The following DNM3 variants were observed in gnomAD, a reference collection of about 807,000 sequenced individuals.
The protein encoded by DNM3 is dynamin 3, also known as dynamin-3.
Under a neutral mutation model 101.6 loss-of-function variants are expected in DNM3, and 47 were observed. The observed-to-expected ratio is 0.46, with a 90% CI of 0.37 to 0.59. The LOEUF (loss-of-function observed/expected upper bound fraction) is 0.59, where lower values mean the gene tolerates loss of function less well. Among genes scored for constraint, DNM3 ranks in the 20% least tolerant of loss-of-function variants. DNM3 has a pLI of 0.00. For missense variants in DNM3, 849 were observed against 1,085.7 expected (o/e 0.78, Z 3.06); for synonymous variants, 385 against 387.9 (o/e 0.99, Z 0.09).
At chr1:172,061,984 G>A (rs895261896) in intron 10 of DNM3, among the ~76,000 whole-genome samples, 7 of 152,126 alleles carry the variant, frequency 4.6e-5, no homozygotes, top group African/African-American at 1.7e-4. Flanking sequence ...CCCAGGCTTC[G>A]AATCAGACTG....
At chr1:172,069,407 A>G (rs1403866791) in intron 11 of DNM3, among the ~76,000 whole-genome samples, 1 of 152,134 alleles carries the variant, frequency 6.6e-6, no homozygotes, top group Non-Finnish European at 1.5e-5. Flanking sequence ...CTATGATTGA[A>G]AAAAAAATTG....
At chr1:172,250,721 G>A (rs1247407945) in intron 14 of DNM3, among the ~76,000 whole-genome samples, 1 of 152,110 alleles carries the variant, frequency 6.6e-6, no homozygotes, top group African/African-American at 2.4e-5. Context: ...AGAAATGATA[G>A]TGAGGTTTCA....
downstream of DNM3, among the ~76,000 whole-genome samples, chr1:172,415,770 T>C (rs957957791): frequency 1.3e-5 from 2 of 152,064 alleles, no homozygotes; most frequent in Non-Finnish European, 2.9e-5. Context: ...CCTCAAGTGA[T>C]CCGCCCACCT....
At chr1:172,116,617 T>A (rs1218687886) in intron 13 of DNM3, among the ~76,000 whole-genome samples, 10 of 152,186 alleles carry the variant, frequency 6.6e-5, no homozygotes, top group Non-Finnish European at 1.5e-5. Flanking sequence ...CCACCTCAGC[T>A]CTATGAACCA....
intron 2 of DNM3, among the ~76,000 whole-genome samples, chr1:171,953,951 A>G (rs2042693096): frequency 6.6e-6 from 1 of 152,124 alleles, no homozygotes; most frequent in Non-Finnish European, 1.5e-5. Context: ...GTCCTTTTTC[A>G]TATACTCCAG....
intron 14 of DNM3, among the ~76,000 whole-genome samples, chr1:172,238,515 T>C (rs1021242457): frequency 1.3e-5 from 2 of 152,190 alleles, no homozygotes; most frequent in African/African-American, 4.8e-5. Flanking sequence ...CATTAATTTA[T>C]TCTAATTATG....
chr1:172,002,477 A>G (rs1366979505), intron 4 of DNM3, among the ~76,000 whole-genome samples: 1 of 152,114 alleles, frequency 6.6e-6, no homozygotes, highest in African/African-American at 2.4e-5. Context: ...CTTGAACAAG[A>G]CAAACGCTAA....
At chr1:171,922,123 T>TTGTGTGTGTGTGTG (rs3051604) in intron 2 of DNM3, among the ~76,000 whole-genome samples, 55 of 135,812 alleles carry the variant, frequency 4.0e-4, no homozygotes, top group African/African-American at 1.4e-3. Context: ...TTGGTATGCT[T>TTGTGTGTGTGTGTG]TGTGTGTGTG....
At chr1:172,055,813 GAAA>G (rs2050557536) in intron 10 of DNM3, among the ~76,000 whole-genome samples, 1 of 152,184 alleles carries the variant, frequency 6.6e-6, no homozygotes, top group Non-Finnish European at 1.5e-5. Context: ...TACACTGTAT[GAAA>G]ATACTTGCAT....
At chr1:172,136,586 A>T (rs2057242745) in intron 14 of DNM3, 1 of 152,178 alleles carries the variant, frequency 6.6e-6, no homozygotes, top group Admixed American at 6.6e-5. Flanking sequence ...ATATTTTTTT[A>T]CATACATAAA....
At chr1:171,860,133 C>T (rs562696920) in intron 1 of DNM3, among the ~76,000 whole-genome samples, 71 of 152,182 alleles carry the variant, frequency 4.7e-4, no homozygotes, top group African/African-American at 1.7e-3. Flanking sequence ...TACTCTAGGT[C>T]AGTGCTTTTC....
At chr1:172,234,880 C>G (rs2061477612) in intron 14 of DNM3, among the ~76,000 whole-genome samples, 1 of 152,138 alleles carries the variant, frequency 6.6e-6, no homozygotes, top group African/African-American at 2.4e-5. Flanking sequence ...AATGCTAGAC[C>G]TAAAACCATA....
intron 17 of DNM3, among the ~76,000 whole-genome samples, chr1:172,367,476 A>G (rs923881819): frequency 5.3e-5 from 8 of 151,928 alleles, no homozygotes; most frequent in Non-Finnish European, 1.2e-4. Flanking sequence ...TAATCTTATC[A>G]TGTCAGAACA....
At chr1:172,215,331 C>A (rs1201315594) in intron 14 of DNM3, among the ~76,000 whole-genome samples, 1 of 151,994 alleles carries the variant, frequency 6.6e-6, no homozygotes, top group African/African-American at 2.4e-5. Flanking sequence ...AACTTAAATT[C>A]TTGGTTATAA....
chr1:172,199,393 G>A (rs2060070174), intron 14 of DNM3, among the ~76,000 whole-genome samples: 1 of 152,006 alleles, frequency 6.6e-6, no homozygotes, highest in African/African-American at 2.4e-5. Flanking sequence ...TGTTGATTCT[G>A]GATGGAGAAT....
At chr1:172,275,315 C>T (rs190314747) in intron 15 of DNM3, among the ~76,000 whole-genome samples, 1 of 152,118 alleles carries the variant, frequency 6.6e-6, no homozygotes, top group East Asian at 1.9e-4. Flanking sequence ...ACATACAGAA[C>T]AAGAACATGC....
At chr1:172,369,171 A>T (rs1236151839) in intron 17 of DNM3, among the ~76,000 whole-genome samples, 1 of 151,924 alleles carries the variant, frequency 6.6e-6, no homozygotes, top group Non-Finnish European at 1.5e-5. Flanking sequence ...ATGCAAGAAA[A>T]AAAAGAAAAC....
intron 3 of DNM3, among the ~76,000 whole-genome samples, chr1:171,988,366 T>C (rs1451331284): frequency 6.6e-6 from 1 of 152,132 alleles, no homozygotes; most frequent in Non-Finnish European, 1.5e-5. Flanking sequence ...ATAAATGACA[T>C]AAGCTCAATT....
chr1:172,184,443 G>GA (rs1280918946), intron 14 of DNM3, among the ~76,000 whole-genome samples: 3 of 152,046 alleles, frequency 2.0e-5, no homozygotes, highest in Non-Finnish European at 4.4e-5. Context: ...GTAGGAATTT[G>GA]AAATTAATTT....
Sources: gnomAD v4.1 joint callset for allele counts (sites outside exome capture counted in the v4.1 genomes callset) on GRCh38, gnomAD v4.1.1 for gene constraint, MANE v1.5 for transcripts, NCBI Gene and HGNC (gene_info 2026-07-23, HGNC 2026-07-21) for gene names.